The following TET1 variants were observed in gnomAD, a reference collection of about 807,000 sequenced individuals.
TET1 encodes the protein tet methylcytosine dioxygenase 1.
TET1 carries 13 observed loss-of-function variants against 148.7 expected under a neutral mutation model. The observed-to-expected ratio is 0.09, with a 90% confidence interval of 0.06 to 0.14. The LOEUF (loss-of-function observed/expected upper bound fraction) is 0.14, where lower values mean the gene tolerates loss of function less well. Among genes scored for constraint, TET1 ranks in the 10% least tolerant of loss-of-function variants. The pLI is 1.00. For missense variants in TET1, 2,182 were observed against 2,553.8 expected, an observed-to-expected ratio of 0.85 and a Z score of 3.14; for synonymous variants, 907 against 937.2, an observed-to-expected ratio of 0.97 and a Z score of 0.59.
intron 6 of TET1, among the ~76,000 whole-genome samples, chr10:68,657,671 GT>G (rs1185535343): frequency 6.6e-6 from 1 of 152,112 alleles, no homozygotes; most frequent in African/African-American, 2.4e-5. Flanking sequence ...ATTTGAATTG[GT>G]ATCTTGAAAT....
At position 68,691,646 on chromosome 10, in the gene TET1, A is replaced by G; in HGVS notation, c.6243A>G (p.Ser2081=). 6.2e-7 allele frequency: 1 copy of G among 1,614,248 alleles called. No individual in the cohort carries two copies. ...KEAKNKKMKA[S]EQKDQAANEG... ...CTAAGAATAAGAAAATGAAGGCCTC[A>G]GAGCAAAAAGACCAGGCAGCTAATG... The change falls in exon 12 of 12, where the codon TCA becomes TCG. Residue 2081 remains serine (S), a synonymous_variant. Transcript: ENST00000373644. The surrounding 1 kb of genome is among the most constrained non-coding windows in gnomAD (Gnocchi z 4.4).
In TET1 at chr10:68,646,621, C is replaced by T. The variant is rs2054853242; in HGVS notation, c.3892C>T (p.Pro1298Ser). 6.2e-7 allele frequency: 1 copy of T among 1,614,172 alleles called. No homozygotes were observed. Among genetic ancestry groups the T allele is most frequent in the African/African-American group, 1.3e-5 (1 of 75,040 alleles). Residue 1298 changes from proline to serine, a missense_variant, in exon 4 of 12, where the codon CCT (proline) becomes TCT (serine). Physicochemically the swap from Pro to Ser is moderately conservative, Grantham distance 74. This residue lies in a region of TET1 where 582 missense variants were observed against 599.5 expected (regional missense o/e 0.97). Transcript: ENST00000373644. ...LTVNANQKAH[P>S]LTQPSSPPNQ... ...GGTGAATGCCAATCAGAAAGCCCAT[C>T]CTTTGACCCAGCCCTCCTCTCCACC...
chr10:68,602,350 G>A (rs1334631972), intron 3 of TET1, among the ~76,000 whole-genome samples: 3 of 152,104 alleles, frequency 2.0e-5, no homozygotes, highest in African/African-American at 7.2e-5. Context: ...ATCATTAAAA[G>A]CTCCTTCTAT....
chr10:68,651,492 G>A (rs1489079781), intron 4 of TET1, among the ~76,000 whole-genome samples: 2 of 151,920 alleles, frequency 1.3e-5, no homozygotes, highest in East Asian at 3.9e-4. Context: ...GGATTCTAAG[G>A]GCAACCTTTA....
At chr10:68,577,509 A>G (rs1444033575) in intron 2 of TET1, among the ~76,000 whole-genome samples, 1 of 152,006 alleles carries the variant, frequency 6.6e-6, no homozygotes, top group Non-Finnish European at 1.5e-5. Context: ...ACAAACAAAC[A>G]AACAAAATCA....
At chr10:68,641,759 C>T (rs1467509960) in intron 3 of TET1, among the ~76,000 whole-genome samples, 1 of 152,076 alleles carries the variant, frequency 6.6e-6, no homozygotes, top group Non-Finnish European at 1.5e-5. Flanking sequence ...CGTTTGCCTC[C>T]CAAAGTGCTG....
intron 3 of TET1, among the ~76,000 whole-genome samples, chr10:68,612,297 C>A (rs1018530681): frequency 1.3e-5 from 2 of 152,110 alleles, no homozygotes; most frequent in Middle Eastern, 3.4e-3. Context: ...ACCATGTTGG[C>A]CAGGCTGGTC....
chr10:68,633,651 C>T (rs565683571), intron 3 of TET1, among the ~76,000 whole-genome samples: 1 of 152,252 alleles, frequency 6.6e-6, no homozygotes, highest in South Asian at 2.1e-4. Context: ...AAACCCCACG[C>T]TGGTCCTGAC....
chr10:68,679,582 G>A (rs920125680), intron 8 of TET1, among the ~76,000 whole-genome samples: 2 of 152,154 alleles, frequency 1.3e-5, no homozygotes, highest in South Asian at 4.1e-4. Flanking sequence ...GTTTTAATGG[G>A]TGTTGATTTA....
chr10:68,675,156 A>T, intron 8 of TET1: 2 of 350,948 alleles, frequency 5.7e-6, no homozygotes, highest in Non-Finnish European at 1.0e-5. Context: ...TTGTGGGGGA[A>T]AAAAGTGTCT....
At position 68,573,051 on chromosome 10, in the gene TET1, G is replaced by T; in HGVS notation, c.713G>T (p.Gly238Val). Residue 238 changes from glycine to valine, a missense_variant, in exon 2 of 12, where the codon GGT (glycine) becomes GTT (valine). Gly to Val is a moderately radical substitution (Grantham distance 109). Around this residue, in one of 11 missense-constraint regions of TET1, gnomAD observed 665 missense variants for 672.4 expected, o/e 0.99. Transcript: ENST00000373644. ...GAAGAGACATTGAATGATACCAGTG[G>T]TTCCCCAAAAATGTTTGCTCAGGAC... ...FSEETLNDTSGSPKMFAQDTV... is the reference protein window; with the variant it reads ...FSEETLNDTSVSPKMFAQDTV... 6.2e-7 allele frequency: 1 copy of T among 1,614,092 alleles called. No homozygotes were observed. The highest frequency in any genetic ancestry group is 1.1e-5 in the South Asian group (1 of 91,072).
chr10:68,573,291 G>C lies in TET1; in HGVS notation c.953G>C (p.Gly318Ala). The C allele has an allele frequency of 6.2e-7, 1 of 1,614,014 alleles. No individual in the cohort carries two copies. The highest frequency in any genetic ancestry group is 1.1e-5 in the South Asian group (1 of 91,060). The change falls in exon 2 of 12, where the codon GGT (glycine) becomes GCT (alanine). Residue 318 changes from glycine to alanine, a missense_variant. Around this residue, in one of 11 missense-constraint regions of TET1, gnomAD observed 665 missense variants for 672.4 expected, o/e 0.99. Coordinates refer to ENST00000373644, the MANE Select transcript of TET1 (RefSeq NM_030625.3). The stretch of plus-strand genomic sequence containing the variant: ...AACCTTAGAAACTGCTTGGCTCTTG[G>C]TGGGTCTACGTCTCCTACCTCTGTA... ...DLNLRNCLAL[G>A]GSTSPTSVIK...
At chr10:68,604,686 A>G (rs2054100677) in intron 3 of TET1, among the ~76,000 whole-genome samples, 1 of 152,180 alleles carries the variant, frequency 6.6e-6, no homozygotes, top group African/African-American at 2.4e-5. Context: ...GGGATGTGTA[A>G]GAAGGTTATG....
intron 7 of TET1, 80 bp downstream of exon 7, chr10:68,667,336 A>T: frequency 8.7e-7 from 1 of 1,154,448 alleles, no homozygotes; most frequent in Non-Finnish European, 1.2e-6. Flanking sequence ...GCTACCAACT[A>T]TGTATATTAT....
intron 2 of TET1, among the ~76,000 whole-genome samples, chr10:68,580,799 AAAAAAAAT>A (rs1219787541): frequency 9.5e-5 from 12 of 126,352 alleles, no homozygotes; most frequent in Admixed American, 1.6e-4. Context: ...AAAAAAAAAA[AAAAAAAAT>A]ATATATATAT....
intron 7 of TET1, among the ~76,000 whole-genome samples, chr10:68,671,989 AC>A (rs2055278421): frequency 1.3e-5 from 2 of 152,034 alleles, no homozygotes; most frequent in African/African-American, 4.8e-5. Context: ...TGATCCGCCC[AC>A]CTTGGCCTCC....
intron 3 of TET1, among the ~76,000 whole-genome samples, chr10:68,613,852 C>T (rs1257836194): frequency 1.3e-5 from 2 of 151,722 alleles, no homozygotes; most frequent in African/African-American, 4.8e-5. Context: ...GCAGGAGAAT[C>T]GCTTGAACCC....
At chr10:68,596,043 T>C (rs1450968700) in intron 2 of TET1, among the ~76,000 whole-genome samples, 8 of 131,110 alleles carry the variant, frequency 6.1e-5, no homozygotes, top group African/African-American at 1.8e-4. Context: ...TATATATATA[T>C]ACACATTTTT....
chr10:68,620,314 AT>A, intron 3 of TET1, among the ~76,000 whole-genome samples: 1 of 152,180 alleles, frequency 6.6e-6, no homozygotes, highest in African/African-American at 2.4e-5. Context: ...CTTAGCTGTC[AT>A]TCCCCAATCC....
Sources: allele counts gnomAD v4.1 joint callset (sites outside exome capture counted in the v4.1 genomes callset), GRCh38; gene constraint gnomAD v4.1.1; regional missense constraint gnomAD v4.1.1; non-coding constraint Gnocchi (gnomAD v3.1); transcripts MANE v1.5; gene names NCBI Gene and HGNC (gene_info 2026-07-23, HGNC 2026-07-21).